PRMT8: variants seen among roughly 807,000 people sequenced by gnomAD.
PRMT8 encodes the protein protein arginine N-methyltransferase 8.
PRMT8 carries 7 observed loss-of-function variants against 47.1 expected under a neutral mutation model. That is an observed-to-expected ratio of 0.15 (90% confidence interval 0.08 to 0.28). PRMT8 has a LOEUF of 0.28. Ranked by LOEUF, PRMT8 falls within the 10% of genes least tolerant of loss-of-function variation. PRMT8 has a pLI of 1.00. For missense variants in PRMT8, 237 were observed against 505.4 expected, an observed-to-expected ratio of 0.47 and a Z score of 5.09; for synonymous variants, 188 against 186.5, an observed-to-expected ratio of 1.01 and a Z score of -0.07.
chr12:3,553,777 T>A, intron 4 of PRMT8, 63 bp downstream of exon 4: 2 of 1,442,186 alleles, frequency 1.4e-6, no homozygotes, highest in Admixed American at 1.7e-5. Flanking sequence ...CACTTTCTTG[T>A]TGGGATGGCA....
Position 3,428,147 on chromosome 12 carries a change from A to G in PRMT8, c.48+46705A>G, listed in dbSNP as rs184804043. ...GGGAGTTCCTCATAGGTCTGGTCGG[A>G]CCTTTGTATGGTAATTAAGATTTAG... On this transcript the variant is annotated intron_variant, in intron 1 of 9. Transcript: ENST00000452611. Among the ~76,000 whole-genome samples the G allele has an allele frequency of 2.8e-3, 428 of 152,190 alleles. 1 individual carries two copies. Among genetic ancestry groups the G allele is most frequent in the Non-Finnish European group, 5.2e-3 (355 of 68,000 alleles).
intron 1 of PRMT8, among the ~76,000 whole-genome samples, chr12:3,439,263 C>T (rs544361360): frequency 1.3e-5 from 2 of 152,270 alleles, no homozygotes; most frequent in South Asian, 2.1e-4. Flanking sequence ...GTCTTGAATT[C>T]ATTGGCTCCC....
intron 1 of PRMT8, among the ~76,000 whole-genome samples, chr12:3,516,505 T>C (rs1865794315): frequency 6.6e-6 from 1 of 152,130 alleles, no homozygotes; most frequent in African/African-American, 2.4e-5. Flanking sequence ...TAAGCAAATA[T>C]ATGAAGTGGT....
intron 8 of PRMT8, among the ~76,000 whole-genome samples, chr12:3,590,819 A>G (rs2137238815): frequency 6.6e-6 from 1 of 152,228 alleles, no homozygotes; most frequent in East Asian, 1.9e-4. Context: ...GGTTCTTACC[A>G]TCATTCATTT....
chr12:3,490,862 T>TGGGGTGGGCC (rs1343280183), upstream of PRMT8, among the ~76,000 whole-genome samples: 2 of 118,328 alleles, frequency 1.7e-5, no homozygotes, highest in Non-Finnish European at 3.6e-5. Flanking sequence ...GCGGGAGAGC[T>TGGGGTGGGCC]GGGGTGGGCC....
intron 7 of PRMT8, among the ~76,000 whole-genome samples, chr12:3,578,077 T>G (rs993950425): frequency 6.7e-5 from 9 of 133,416 alleles, no homozygotes; most frequent in African/African-American, 2.5e-4. Flanking sequence ...ATTTGACAGT[T>G]TTTTAAAATA....
intron 1 of PRMT8, among the ~76,000 whole-genome samples, chr12:3,445,934 A>G (rs908108395): frequency 3.9e-5 from 6 of 152,092 alleles, no homozygotes; most frequent in African/African-American, 1.4e-4. Context: ...TCCTGGCCCC[A>G]TTGGTAGGGG....
chr12:3,469,706 T>C lies in PRMT8; in HGVS notation c.49-70900T>C, dbSNP rs541777191. On this transcript the variant is annotated intron_variant, in intron 1 of 9. Coordinates refer to the PRMT8 transcript ENST00000452611. ...CACCTTAAAAGGGTGATTTTTATGA[T>C]AGGTGAATGATATCTCAATTTTTAA... is the stretch of plus-strand genomic sequence containing the variant. Among the ~76,000 whole-genome samples the C allele has an allele frequency of 1.5e-4, 23 of 152,302 alleles. No individual in the cohort carries two copies. The South Asian group carries it at 3.9e-3, about 26-fold the overall frequency.
intron 1 of PRMT8, 61 bp from the exon 2 acceptor site, chr12:3,540,545 G>A: frequency 8.7e-7 from 1 of 1,149,802 alleles, no homozygotes; most frequent in South Asian, 1.4e-5. Context: ...AGGACCGCAA[G>A]CCTCCGAGGG....
chr12:3,589,659 C>T (rs1867257555), intron 8 of PRMT8, among the ~76,000 whole-genome samples: 1 of 152,206 alleles, frequency 6.6e-6, no homozygotes, highest in South Asian at 2.1e-4. Context: ...ACAATTACTC[C>T]ATGGCTAATG....
At chr12:3,398,247 T>G (rs1864281761) in intron 1 of PRMT8, among the ~76,000 whole-genome samples, 1 of 152,190 alleles carries the variant, frequency 6.6e-6, no homozygotes, top group African/African-American at 2.4e-5. Flanking sequence ...ATTTGGATTT[T>G]ATACTGCAGG....
At chr12:3,584,058 A>G (rs1273279931) in intron 8 of PRMT8, among the ~76,000 whole-genome samples, 1 of 152,208 alleles carries the variant, frequency 6.6e-6, no homozygotes, top group South Asian at 2.1e-4. Flanking sequence ...CTGTGAGGGC[A>G]GCCATAACAA....
At chr12:3,533,453 T>G (rs1866066097) in intron 1 of PRMT8, among the ~76,000 whole-genome samples, 1 of 152,206 alleles carries the variant, frequency 6.6e-6, no homozygotes, top group Non-Finnish European at 1.5e-5. Context: ...TTTGTTTGGA[T>G]TTTTATTTTT....
intron 1 of PRMT8, among the ~76,000 whole-genome samples, chr12:3,464,462 C>T (rs1048149601): frequency 1.3e-5 from 2 of 152,090 alleles, no homozygotes; most frequent in African/African-American, 4.8e-5. Flanking sequence ...AGACATTACT[C>T]GTTCTCTCCT....
At chr12:3,542,931 C>T (rs1473006971) in intron 2 of PRMT8, among the ~76,000 whole-genome samples, 1 of 152,252 alleles carries the variant, frequency 6.6e-6, no homozygotes, top group Non-Finnish European at 1.5e-5. Context: ...GCCTGGTCAG[C>T]ACCATGACCC....
chr12:3,424,054 G>T (rs1221945317), intron 1 of PRMT8, among the ~76,000 whole-genome samples: 1 of 152,146 alleles, frequency 6.6e-6, no homozygotes, highest in Non-Finnish European at 1.5e-5. Context: ...GAGAGACTGG[G>T]CTACATGCTT....
chr12:3,467,129 A>C (rs950630727), intron 1 of PRMT8, among the ~76,000 whole-genome samples: 2 of 149,790 alleles, frequency 1.3e-5, no homozygotes. Flanking sequence ...AGTCCCAGCT[A>C]CTCGGGAGGC....
chr12:3,476,137 A>G (rs1269269901), intron 1 of PRMT8, among the ~76,000 whole-genome samples: 1 of 152,184 alleles, frequency 6.6e-6, no homozygotes, highest in African/African-American at 2.4e-5. Context: ...AGAGAGCCAG[A>G]CACTTTCTAG....
chr12:3,586,079 C>T (rs900881390), intron 8 of PRMT8, among the ~76,000 whole-genome samples: 36 of 152,262 alleles, frequency 2.4e-4, no homozygotes, highest in African/African-American at 8.7e-4. Flanking sequence ...CAGGCTCTAT[C>T]CCTGCAGCTC....
Sources: allele counts gnomAD v4.1 joint callset (sites outside exome capture counted in the v4.1 genomes callset), GRCh38; gene constraint gnomAD v4.1.1; transcripts MANE v1.5; gene names NCBI Gene and HGNC (gene_info 2026-07-23, HGNC 2026-07-21).